Variants in MPDZ observed in about 807,000 individuals in gnomAD.
MPDZ encodes multiple PDZ domain crumbs cell polarity complex component.
MPDZ carries 234 observed loss-of-function variants against 239.1 expected under a neutral mutation model. The ratio of observed to expected loss-of-function variants is 0.98; its 90% CI spans 0.88 to 1.09. The LOEUF is 1.09. Among genes scored for constraint, MPDZ ranks in the 50% least tolerant of loss-of-function variants. The pLI, the probability that MPDZ is intolerant of heterozygous loss-of-function variation, is 0.00. For missense variants in MPDZ, 3,175 were observed against 2,510.0 expected (o/e 1.26, Z -5.66); for synonymous variants, 1,048 against 881.3 (o/e 1.19, Z -3.35).
chr9:13,176,204 A>G lies in MPDZ; in HGVS notation c.2863T>C (p.Ser955Pro). 6.2e-7 allele frequency: 1 copy of G among 1,604,226 alleles called. No homozygotes were observed. Among genetic ancestry groups the G allele is most frequent in the Non-Finnish European group, 8.5e-7 (1 of 1,174,608 alleles). Residue 955 changes from serine to proline, a missense_variant, in exon 20 of 47, where the codon TCT becomes CCT. By Grantham distance (74) the Ser-to-Pro change is moderately conservative. Transcript: ENST00000319217. ...ECENTIVWTE[S>P]HLPSEVISSA... The stretch of plus-strand genomic sequence containing the variant: ...GATATAACTTCACTTGGTAAATGAG[A>G]TTCAGTCCACACTATTGTGTTTTCA...
chr9:13,122,133 G>T lies in MPDZ; in HGVS notation c.4991C>A (p.Ala1664Glu). 2 of 1,613,936 alleles carry T rather than the reference G, an allele frequency of 1.2e-6. No homozygotes were observed. The highest frequency in any genetic ancestry group is 3.3e-5 in the Admixed American group (2 of 60,006). ...CCAGAGTCTTCCATCTTTACATGCTGCTCCTTCTTCATAAACTTCATGGAT... is the reference window on the plus strand; with the variant it reads ...CCAGAGTCTTCCATCTTTACATGCTTCTCCTTCTTCATAAACTTCATGGAT... Reference protein sequence around the residue: ...IIIHEVYEEGAACKDGRLWAG... With the variant: ...IIIHEVYEEGEACKDGRLWAG... The change falls in exon 37 of 47, where the codon GCA (alanine) becomes GAA (glutamate). Residue 1664 changes from alanine to glutamate, a missense_variant. Ala to Glu is a moderately radical substitution (Grantham distance 107). Coordinates refer to ENST00000319217, the MANE Select transcript of MPDZ (RefSeq NM_001378778.1).
At chr9:13,154,894 G>T (rs914322043) in intron 24 of MPDZ, among the ~76,000 whole-genome samples, 1 of 152,070 alleles carries the variant, frequency 6.6e-6, no homozygotes, top group African/African-American at 2.4e-5. Context: ...TGGGGAAAAG[G>T]GAACATTCAT....
In MPDZ at chr9:13,223,618, C is replaced by T. The variant is rs1254854722; in HGVS notation, c.486G>A (p.Glu162=). ...GTATCTCTTGAACAAATATTCCCAG[C>T]TCTCCTCTGTTTTCACTTCTTAGTC... The part of the protein sequence containing the change: ...VVGLRSENRG[E]LGIFVQEIQE... Residue 162 remains glutamate, a synonymous_variant, in exon 5 of 47, where the codon GAG becomes GAA. Coordinates refer to ENST00000319217, the MANE Select transcript of MPDZ (RefSeq NM_001378778.1). 1.2e-6 allele frequency: 2 copies of T among 1,612,578 alleles called. No homozygotes were observed. The highest frequency in any genetic ancestry group is 1.7e-6 in the Non-Finnish European group (2 of 1,179,068).
chr9:13,191,091 G>A (rs1954853630), intron 15 of MPDZ, among the ~76,000 whole-genome samples: 1 of 152,010 alleles, frequency 6.6e-6, no homozygotes, highest in South Asian at 2.1e-4. Flanking sequence ...ATCAATTATT[G>A]CACAGCCTAG....
intron 23 of MPDZ, 49 bp from the exon 24 acceptor site, chr9:13,158,159 T>C: frequency 7.0e-7 from 1 of 1,435,394 alleles, no homozygotes; most frequent in Non-Finnish European, 9.8e-7. Flanking sequence ...AGTAAAAACA[T>C]GCAAGATTAT....
intron 26 of MPDZ, 126 bp from the exon 27 acceptor site, chr9:13,143,690 C>A (rs148941536): frequency 6.9e-6 from 5 of 728,364 alleles, no homozygotes; most frequent in Non-Finnish European, 1.2e-5. Context: ...CAGATCCAGT[C>A]ATTAATAGCA....
At chr9:13,222,955 C>A (rs1267985065) in intron 5 of MPDZ, among the ~76,000 whole-genome samples, 2 of 151,234 alleles carry the variant, frequency 1.3e-5, no homozygotes, top group Non-Finnish European at 2.9e-5. Context: ...CAAATATACT[C>A]AAAAAAAATA....
chr9:13,270,055 G>T (rs554167073), intron 1 of MPDZ, among the ~76,000 whole-genome samples: 1 of 152,252 alleles, frequency 6.6e-6, no homozygotes, highest in African/African-American at 2.4e-5. Context: ...TTTTCTCCAT[G>T]AAAGCATTTT....
At chr9:13,114,128 T>C (rs868044633) in intron 40 of MPDZ, 107 bp from the exon 41 acceptor site, 4 of 857,718 alleles carry the variant, frequency 4.7e-6, no homozygotes, top group South Asian at 1.7e-5. Context: ...TAAGCAACAG[T>C]GGCATTTGAT....
intron 17 of MPDZ, 95 bp from the exon 18 acceptor site, chr9:13,186,481 G>T (rs1241839905): frequency 3.7e-6 from 3 of 818,062 alleles, no homozygotes; most frequent in East Asian, 5.4e-5. Context: ...AGTGAGGGGG[G>T]CGAGAAGAGA....
intron 17 of MPDZ, 77 bp downstream of exon 17, chr9:13,188,707 C>T (rs917541017): frequency 7.9e-7 from 1 of 1,264,826 alleles, no homozygotes; most frequent in Non-Finnish European, 1.1e-6. Flanking sequence ...ATCATGAGAA[C>T]ACCTAAAGCG....
At chr9:13,240,450 T>C (rs1337457178) in intron 3 of MPDZ, among the ~76,000 whole-genome samples, 3 of 151,792 alleles carry the variant, frequency 2.0e-5, no homozygotes, top group Non-Finnish European at 4.4e-5. Context: ...TTTAAGTTAA[T>C]GAATTTGAGT....
At chr9:13,200,895 G>C (rs965105612) in intron 12 of MPDZ, among the ~76,000 whole-genome samples, 1 of 151,920 alleles carries the variant, frequency 6.6e-6, no homozygotes, top group South Asian at 2.1e-4. Context: ...GCAGCTGTTG[G>C]ACGGAACGTT....
rs775352642 is a variant in MPDZ, at chr9:13,125,220, G to C, written c.4803C>G (p.Ile1601Met). ...TCATGAGTCCAGAGGCCTTACTTCG[G>C]ATGGACTCCGGTTCTGGGGAGCCAG... The part of the protein sequence containing the change: ...PQSGSPEPES[I>M]RNTSRSSTPA... The change falls in exon 35 of 47, where the codon ATC becomes ATG. Residue 1601 changes from isoleucine to methionine, a missense_variant. Ile to Met is a conservative substitution (Grantham distance 10). Coordinates refer to ENST00000319217, the MANE Select transcript of MPDZ (RefSeq NM_001378778.1). The C allele has an allele frequency of 3.8e-6, 6 of 1,592,402 alleles. No individual in the cohort carries two copies. The South Asian group carries it at 4.5e-5, about 12-fold the overall frequency.
chr9:13,163,443 G>A (rs1279356868), intron 22 of MPDZ, among the ~76,000 whole-genome samples: 2 of 152,124 alleles, frequency 1.3e-5, no homozygotes, highest in South Asian at 4.1e-4. Flanking sequence ...CACGTGAATG[G>A]CCATTTACTA....
At chr9:13,176,720 A>T (rs568107474) in intron 19 of MPDZ, among the ~76,000 whole-genome samples, 1 of 152,270 alleles carries the variant, frequency 6.6e-6, no homozygotes, top group South Asian at 2.1e-4. Flanking sequence ...TTTACAAATA[A>T]AATTATTCAG....
intron 3 of MPDZ, among the ~76,000 whole-genome samples, chr9:13,244,764 G>A (rs1176838647): frequency 2.0e-5 from 3 of 152,084 alleles, no homozygotes; most frequent in African/African-American, 7.2e-5. Flanking sequence ...TTGAATAGAA[G>A]TAATGAGAAG....
chr9:13,264,437 C>G (rs1158286370), intron 1 of MPDZ, among the ~76,000 whole-genome samples: 1 of 151,874 alleles, frequency 6.6e-6, no homozygotes, highest in African/African-American at 2.4e-5. Flanking sequence ...TTGAAAGGAG[C>G]GTCAAAAAAC....
intron 10 of MPDZ, among the ~76,000 whole-genome samples, chr9:13,213,327 T>C (rs1166592538): frequency 6.6e-6 from 1 of 151,904 alleles, no homozygotes; most frequent in East Asian, 1.9e-4. Flanking sequence ...ACAAGAACCT[T>C]ATAACAAAAT....
Sources: allele counts gnomAD v4.1 joint callset (sites outside exome capture counted in the v4.1 genomes callset), GRCh38; gene constraint gnomAD v4.1.1; transcripts MANE v1.5; gene names NCBI Gene and HGNC (gene_info 2026-07-23, HGNC 2026-07-21).